SYNE1: variants seen among roughly 807,000 people sequenced by gnomAD.
The protein encoded by SYNE1 is spectrin repeat containing nuclear envelope protein 1.
In SYNE1, 616 loss-of-function variants were observed where a neutral mutation model predicts 1,111.0. The observed-to-expected ratio is 0.55, with a 90% confidence interval of 0.52 to 0.59. The LOEUF (loss-of-function observed/expected upper bound fraction) is 0.59. Among genes scored for constraint, SYNE1 ranks in the 20% least tolerant of loss-of-function variants. The pLI, the probability that SYNE1 is intolerant of heterozygous loss-of-function variation, is 0.00. For synonymous variants in SYNE1, 3,855 were observed against 3,825.8 expected (o/e 1.01, Z -0.28); for missense variants, 10,006 against 10,417.0 (o/e 0.96, Z 1.72).
At chr6:152,492,787 G>A (rs1320458453) in intron 11 of SYNE1, among the ~76,000 whole-genome samples, 2 of 152,056 alleles carry the variant, frequency 1.3e-5, no homozygotes, top group African/African-American at 4.8e-5. Context: ...AATCAATACG[G>A]AGGCTACCCA....
At chr6:152,441,931 TA>T in intron 31 of SYNE1, 143 bp downstream of exon 31, 1 of 996,572 alleles carries the variant, frequency 1.0e-6, no homozygotes, top group South Asian at 1.4e-5. Flanking sequence ...ATGTGATGAT[TA>T]AAAGATGGTT....
intron 6 of SYNE1, among the ~76,000 whole-genome samples, chr6:152,518,468 T>A (rs1258390540): frequency 6.6e-6 from 1 of 151,952 alleles, no homozygotes; most frequent in African/African-American, 2.4e-5. Context: ...GCTCTGGCCA[T>A]GTGACGTCCC....
chr6:152,215,291 T>A (rs2078369584), intron 121 of SYNE1, among the ~76,000 whole-genome samples: 1 of 152,214 alleles, frequency 6.6e-6, no homozygotes, highest in Non-Finnish European at 1.5e-5. Flanking sequence ...CTACTCATTA[T>A]CCTTTATGGA....
chr6:152,605,033 A>AGGGGGGGAGG, intron 3 of SYNE1, among the ~76,000 whole-genome samples: 1 of 25,420 alleles, frequency 3.9e-5, no homozygotes, highest in Non-Finnish European at 6.6e-5. Context: ...AGAGAGAGAG[A>AGGGGGGGAGG]GAGGGAGGGA....
At chr6:152,550,579 G>A (rs1425792989) in intron 3 of SYNE1, among the ~76,000 whole-genome samples, 1 of 151,210 alleles carries the variant, frequency 6.6e-6, no homozygotes, top group Non-Finnish European at 1.5e-5. Flanking sequence ...GGAGAGAGGA[G>A]GGGACAGATG....
intron 144 of SYNE1, among the ~76,000 whole-genome samples, chr6:152,131,819 C>G (rs2055784604): frequency 6.6e-6 from 1 of 152,180 alleles, no homozygotes; most frequent in African/African-American, 2.4e-5. Context: ...AAGAAAGGAG[C>G]CACCAAAGGG....
intron 107 of SYNE1, 140 bp from the exon 108 acceptor site, chr6:152,239,846 G>C: frequency 1.1e-6 from 1 of 880,842 alleles, no homozygotes; most frequent in Non-Finnish European, 1.8e-6. Context: ...ATTACCTGAG[G>C]TCAAGAGCTC....
intron 9 of SYNE1, among the ~76,000 whole-genome samples, chr6:152,504,729 C>G (rs1219364126): frequency 6.6e-6 from 1 of 152,122 alleles, no homozygotes; most frequent in Non-Finnish European, 1.5e-5. Flanking sequence ...GCACTCACGC[C>G]CTTACCAAAA....
At chr6:152,592,378 G>A (rs975026194) in intron 3 of SYNE1, among the ~76,000 whole-genome samples, 2 of 152,128 alleles carry the variant, frequency 1.3e-5, no homozygotes, top group Non-Finnish European at 2.9e-5. Context: ...GGAATTCTAT[G>A]CAGCCATAAA....
At chr6:152,347,035 G>C (rs766657710) in intron 73 of SYNE1, 24 bp downstream of exon 73, 5 of 1,613,516 alleles carry the variant, frequency 3.1e-6, no homozygotes, top group Non-Finnish European at 3.4e-6. Context: ...CCTTGTCACT[G>C]TGGAATGTTC....
At chr6:152,573,727 T>C (rs1263052605) in intron 3 of SYNE1, among the ~76,000 whole-genome samples, 1 of 152,168 alleles carries the variant, frequency 6.6e-6, no homozygotes, top group African/African-American at 2.4e-5. Context: ...TCTGTTACCT[T>C]GACACTCTAA....
At chr6:152,607,620 A>G (rs546646964) in intron 3 of SYNE1, among the ~76,000 whole-genome samples, 2 of 152,318 alleles carry the variant, frequency 1.3e-5, no homozygotes, top group African/African-American at 4.8e-5. Context: ...ACCATGTGGA[A>G]GACAGTGTGG....
At chr6:152,209,843 G>A (rs2077202930) in intron 124 of SYNE1, among the ~76,000 whole-genome samples, 1 of 151,978 alleles carries the variant, frequency 6.6e-6, no homozygotes, top group Admixed American at 6.6e-5. Context: ...ATTAATCAAT[G>A]TACTAGCATT....
At chr6:152,150,068 C>G (rs2813493) in intron 135 of SYNE1, among the ~76,000 whole-genome samples, 40,084 of 152,120 alleles carry the variant, frequency 0.26, 5,660 homozygotes, top group Admixed American at 0.38. Flanking sequence ...ATATCCCGAT[C>G]ATTTTAATTT....
Position 152,309,957 on chromosome 6 carries a change from T to C in SYNE1, c.17080A>G (p.Ser5694Gly). Reference protein sequence around the residue: ...PKVQAVQLCQSALRIPEDVVA... With the variant: ...PKVQAVQLCQGALRIPEDVVA... ...ACATCCTCGGGGATCCGGAGGGCACTCTGGCAGAGCTGCACTGCTTGCACC... is the reference window on the plus strand; with the variant it reads ...ACATCCTCGGGGATCCGGAGGGCACCCTGGCAGAGCTGCACTGCTTGCACC... Residue 5694 changes from serine (S) to glycine (G), a missense_variant, in exon 90 of 146, where the codon AGT becomes GGT. Ser to Gly is a moderately conservative substitution (Grantham distance 56). Transcript: ENST00000367255. The C allele has an allele frequency of 3.7e-6, 6 of 1,614,156 alleles. 1 individual carries two copies. Among genetic ancestry groups the C allele is most frequent in the Middle Eastern group, 3.3e-4 (2 of 6,062 alleles).
At chr6:152,283,823 C>T (rs892009117) in intron 96 of SYNE1, among the ~76,000 whole-genome samples, 155 bp downstream of exon 96, 9 of 152,194 alleles carry the variant, frequency 5.9e-5, no homozygotes, top group Non-Finnish European at 8.8e-5. Context: ...GTGTGAACCA[C>T]CCCTCCCGGC....
intron 73 of SYNE1, among the ~76,000 whole-genome samples, chr6:152,345,884 C>T (rs1175902687): frequency 6.6e-6 from 1 of 152,024 alleles, no homozygotes; most frequent in African/African-American, 2.4e-5. Flanking sequence ...GGAAGTACAC[C>T]CACTTAAGTG....
chr6:152,411,806 A>G (rs1311674734), intron 42 of SYNE1, among the ~76,000 whole-genome samples: 4 of 151,884 alleles, frequency 2.6e-5, no homozygotes, highest in Admixed American at 1.3e-4. Context: ...AAATGTCACA[A>G]TACCAAGTGT....
chr6:152,130,988 T>A (rs527816384), intron 144 of SYNE1, among the ~76,000 whole-genome samples: 2 of 152,352 alleles, frequency 1.3e-5, no homozygotes, highest in Non-Finnish European at 2.9e-5. Flanking sequence ...TGATAAAACA[T>A]TAAGTTGGGA....
Sources: gnomAD v4.1 joint callset for allele counts (sites outside exome capture counted in the v4.1 genomes callset) on GRCh38, gnomAD v4.1.1 for gene constraint, MANE v1.5 for transcripts, NCBI Gene and HGNC (gene_info 2026-07-23, HGNC 2026-07-21) for gene names.